The following ROR2 variants were observed in gnomAD, a reference collection of about 807,000 sequenced individuals.
ROR2 encodes the protein ROR family WNT receptor 2, also known as tyrosine-protein kinase transmembrane receptor ROR2.
ROR2 carries 33 observed loss-of-function variants against 74.9 expected under a neutral mutation model. That is an observed-to-expected ratio of 0.44 (90% CI 0.33 to 0.59). ROR2 has a LOEUF of 0.59. Among genes scored for constraint, ROR2 ranks in the 20% least tolerant of loss-of-function variants. ROR2 has a pLI of 0.02. For synonymous variants in ROR2, 586 were observed against 558.7 expected (o/e 1.05, Z -0.69); for missense variants, 1,216 against 1,313.8 (o/e 0.93, Z 1.15).
At chr9:91,738,725 C>T (rs528882784) in intron 4 of ROR2, among the ~76,000 whole-genome samples, 4 of 152,316 alleles carry the variant, frequency 2.6e-5, no homozygotes, top group Admixed American at 2.0e-4. Context: ...CGCAGAAGTG[C>T]GACCTGGCCA....
In ROR2 at chr9:91,776,266, C is replaced by T. The variant is rs555575680; in HGVS notation, c.98-448G>A. 1.6e-3 allele frequency among the ~76,000 whole-genome samples: 247 copies of T among 152,268 alleles called. 1 individual carries two copies. The highest frequency in any genetic ancestry group is 5.8e-3 in the African/African-American group (240 of 41,562). The stretch of plus-strand genomic sequence containing the variant: ...AGAATTTCTTAAGCAACTCATTCCC[C>T]TCCCCATCCCCAGACCCACTGGCAG... On this transcript the variant is annotated intron_variant, in intron 1 of 8. Coordinates refer to ENST00000375708, the MANE Select transcript of ROR2 (RefSeq NM_004560.4).
At chr9:91,809,732 G>A (rs369978679) in intron 1 of ROR2, among the ~76,000 whole-genome samples, 2 of 152,230 alleles carry the variant, frequency 1.3e-5, no homozygotes, top group African/African-American at 2.4e-5. Context: ...GGCAGGCGCC[G>A]TGGGCGTCCT....
At chr9:91,945,420 C>G (rs1831989570) in intron 1 of ROR2, among the ~76,000 whole-genome samples, 1 of 152,234 alleles carries the variant, frequency 6.6e-6, no homozygotes, top group South Asian at 2.1e-4. Flanking sequence ...TTAGGGGAAC[C>G]CTCCCCCACT....
chr9:91,886,009 G>A (rs1202668954), intron 1 of ROR2, among the ~76,000 whole-genome samples: 1 of 151,516 alleles, frequency 6.6e-6, no homozygotes, highest in Non-Finnish European at 1.5e-5. Context: ...CCGAGTAGCT[G>A]GGATTACAGG....
intron 1 of ROR2, among the ~76,000 whole-genome samples, chr9:91,806,642 T>C (rs1294400876): frequency 6.6e-6 from 1 of 152,248 alleles, no homozygotes; most frequent in South Asian, 2.1e-4. Flanking sequence ...CAGGCTGGAG[T>C]GCAGTGGCAC....
At chr9:91,866,417 C>CT (rs59024037) in intron 1 of ROR2, among the ~76,000 whole-genome samples, 3,873 of 103,788 alleles carry the variant, frequency 0.037, 276 homozygotes, top group African/African-American at 0.11. Context: ...CACGCCCAGT[C>CT]TTTTTTTTTT....
intron 1 of ROR2, among the ~76,000 whole-genome samples, chr9:91,904,053 G>A (rs925117577): frequency 1.3e-5 from 1 of 76,372 alleles, no homozygotes; most frequent in Non-Finnish European, 2.6e-5. Context: ...TTTTTTTTTG[G>A]GGGGGGGGAC....
intron 1 of ROR2, among the ~76,000 whole-genome samples, chr9:91,947,607 T>G (rs7036958): frequency 0.13 from 20,218 of 151,958 alleles, 2,808 homozygotes; most frequent in African/African-American, 0.36. Context: ...AACACTACAC[T>G]GCCAAAAATG....
intron 2 of ROR2, among the ~76,000 whole-genome samples, chr9:91,769,693 G>A (rs1268882560): frequency 2.6e-5 from 4 of 152,108 alleles, no homozygotes; most frequent in African/African-American, 9.7e-5. Flanking sequence ...TCCTCTCTCA[G>A]TGGGGCTCAG....
At chr9:91,802,719 G>T (rs920942433) in intron 1 of ROR2, among the ~76,000 whole-genome samples, 1 of 152,052 alleles carries the variant, frequency 6.6e-6, no homozygotes, top group African/African-American at 2.4e-5. Context: ...AGCCTGCAGT[G>T]GCACGAGGTG....
chr9:91,789,612 TAA>T (rs1326292107), intron 1 of ROR2, among the ~76,000 whole-genome samples: 1 of 152,144 alleles, frequency 6.6e-6, no homozygotes, highest in African/African-American at 2.4e-5. Flanking sequence ...CTACCAAAAT[TAA>T]GTTAGTACTA....
intron 1 of ROR2, among the ~76,000 whole-genome samples, chr9:91,782,949 G>A (rs954899232): frequency 1.3e-5 from 2 of 152,224 alleles, no homozygotes; most frequent in African/African-American, 4.8e-5. Context: ...CACAGATGGG[G>A]CAGCCTAAAC....
chr9:91,892,052 G>GAAAAAAA (rs74312809), intron 1 of ROR2, among the ~76,000 whole-genome samples: 2 of 71,030 alleles, frequency 2.8e-5, no homozygotes, highest in Non-Finnish European at 7.0e-5. Context: ...TGTCTAAGAA[G>GAAAAAAA]AAAAAAAAAA....
intron 1 of ROR2, among the ~76,000 whole-genome samples, chr9:91,781,174 T>A (rs1447623458): frequency 6.6e-6 from 1 of 152,196 alleles, no homozygotes; most frequent in Non-Finnish European, 1.5e-5. Flanking sequence ...GTTGTCCTCA[T>A]GTGAAGGTAT....
At chr9:91,852,324 T>C (rs1198035428) in intron 1 of ROR2, among the ~76,000 whole-genome samples, 3 of 152,182 alleles carry the variant, frequency 2.0e-5, no homozygotes, top group Non-Finnish European at 2.9e-5. Flanking sequence ...TACTTACCAT[T>C]TGCTTAATTT....
chr9:91,770,328 G>A (rs1232204982), intron 2 of ROR2, among the ~76,000 whole-genome samples: 1 of 152,216 alleles, frequency 6.6e-6, no homozygotes, highest in African/African-American at 2.4e-5. Flanking sequence ...CCTGGCAGGA[G>A]GACATTCCTC....
chr9:91,843,215 C>T (rs1828835988), intron 1 of ROR2, among the ~76,000 whole-genome samples: 1 of 152,166 alleles, frequency 6.6e-6, no homozygotes, highest in Non-Finnish European at 1.5e-5. Flanking sequence ...AAGACACGTA[C>T]AGGAACTAGA....
rs1824912480 is a variant in ROR2, at chr9:91,733,717, G to A, written c.623-281C>T. On this transcript the variant is annotated intron_variant, in intron 5 of 8. Coordinates refer to ENST00000375708, the MANE Select transcript of ROR2 (RefSeq NM_004560.4). This position sits in a 1 kb window ranked among gnomAD's most constrained non-coding sequence, Gnocchi z 5.7. The stretch of plus-strand genomic sequence containing the variant: ...ACATCAGAAGCAGAACAAGAAAGAA[G>A]GAAAACTCGGCCCCCTAGCTCACTC... Among the ~76,000 whole-genome samples, 1 of 151,814 alleles carries A rather than the reference G, an allele frequency of 6.6e-6. No individual in the cohort carries two copies. The highest frequency in any genetic ancestry group is 2.4e-5 in the African/African-American group (1 of 41,070).
intron 7 of ROR2, among the ~76,000 whole-genome samples, chr9:91,729,788 G>T (rs1184763787): frequency 1.3e-5 from 2 of 152,156 alleles, no homozygotes; most frequent in South Asian, 4.1e-4. Flanking sequence ...CCATATTCAT[G>T]ACATTACAGA....
Sources: gnomAD v4.1 joint callset for allele counts (sites outside exome capture counted in the v4.1 genomes callset) on GRCh38, gnomAD v4.1.1 for gene constraint, Gnocchi (gnomAD v3.1) non-coding constraint, MANE v1.5 for transcripts, NCBI Gene and HGNC (gene_info 2026-07-23, HGNC 2026-07-21) for gene names.